HS6ST3: variants seen among roughly 807,000 people sequenced by gnomAD.
HS6ST3 encodes the protein heparan-sulfate 6-O-sulfotransferase 3.
Under a neutral mutation model 36.7 loss-of-function variants are expected in HS6ST3, and 12 were observed. That is an observed-to-expected ratio of 0.33 (90% CI 0.21 to 0.53). The LOEUF (loss-of-function observed/expected upper bound fraction) is 0.53. Ranked by LOEUF, HS6ST3 falls within the 20% of genes least tolerant of loss-of-function variation. The probability of loss-of-function intolerance (pLI) is 0.95; values close to 1 mark genes in which losing one functional copy is unlikely to be tolerated. For missense variants in HS6ST3, 584 were observed against 640.9 expected, an observed-to-expected ratio of 0.91 and a Z score of 0.96; for synonymous variants, 240 against 257.5, an observed-to-expected ratio of 0.93 and a Z score of 0.65.
chr13:96,496,219 T>G (rs1446581514), intron 1 of HS6ST3, among the ~76,000 whole-genome samples: 1 of 152,194 alleles, frequency 6.6e-6, no homozygotes, highest in Non-Finnish European at 1.5e-5. Flanking sequence ...TGATATTCAT[T>G]TTATTATTGA....
Position 96,091,165 on chromosome 13 carries a change from G to T in HS6ST3, c.303G>T (p.Gly101=). 6.5e-7 allele frequency: 1 copy of T among 1,545,614 alleles called. No homozygotes were observed. Among genetic ancestry groups the T allele is most frequent in the Non-Finnish European group, 8.7e-7 (1 of 1,144,472 alleles). Residue 101 remains glycine, a synonymous_variant, in exon 1 of 2, where the codon GGG becomes GGT. Transcript: ENST00000376705. The part of the protein sequence containing the change: ...EDEEPGDPRE[G]EEEEEEDEPD... ...AGGAGCCCGGAGACCCCCGGGAGGG[G>T]GAGGAAGAGGAGGAGGAAGACGAGC...
At chr13:96,791,207 C>A (rs7999955) in intron 1 of HS6ST3, among the ~76,000 whole-genome samples, 4,104 of 152,074 alleles carry the variant, frequency 0.027, 194 homozygotes, top group African/African-American at 0.094. Flanking sequence ...TCTTGACGAA[C>A]CTCTATTACA....
chr13:96,541,854 A>G (rs1241565025), intron 1 of HS6ST3, among the ~76,000 whole-genome samples: 1 of 152,244 alleles, frequency 6.6e-6, no homozygotes, highest in Non-Finnish European at 1.5e-5. Context: ...TTTTCCTGGT[A>G]GACTACAACT....
In HS6ST3 at chr13:96,838,819, T is replaced by A. The variant is rs1879000162; in HGVS notation, c.*5621T>A. 6.6e-6 allele frequency: 1 copy of A among 152,248 alleles called. No homozygotes were observed. The highest frequency in any genetic ancestry group is 2.4e-5 in the African/African-American group (1 of 41,458). 9.4% of individuals were successfully genotyped at this position (152,248 alleles called of 1,614,324 possible). A position where few individuals can be genotyped will look rare whatever the true frequency, so the allele number is the denominator to read the frequency against. ...TTCACAGCATGTGAAAGAACCAACC[T>A]GCCTGGCAGAGGTGCAGAAATTTCC... On this transcript the variant is annotated 3_prime_UTR_variant, in exon 2 of 2. Transcript: ENST00000376705.
At chr13:96,596,535 C>A (rs1009845398) in intron 1 of HS6ST3, among the ~76,000 whole-genome samples, 3 of 152,114 alleles carry the variant, frequency 2.0e-5, no homozygotes, top group Admixed American at 2.0e-4. Context: ...GAGAAATCTT[C>A]ATACCGGTTT....
intron 1 of HS6ST3, among the ~76,000 whole-genome samples, chr13:96,745,012 T>A (rs2138487750): frequency 1.3e-5 from 2 of 152,204 alleles, no homozygotes; most frequent in Middle Eastern, 3.4e-3. Flanking sequence ...AGCAATTCCA[T>A]GTTGAACAAC....
At chr13:96,662,836 C>G (rs1411043606) in intron 1 of HS6ST3, among the ~76,000 whole-genome samples, 1 of 152,062 alleles carries the variant, frequency 6.6e-6, no homozygotes, top group Non-Finnish European at 1.5e-5. Flanking sequence ...AGGGTCTTTG[C>G]TCTTCTGTCA....
At chr13:96,479,028 G>T (rs989938911) in intron 1 of HS6ST3, among the ~76,000 whole-genome samples, 1 of 152,122 alleles carries the variant, frequency 6.6e-6, no homozygotes, top group Non-Finnish European at 1.5e-5. Context: ...CCCTCATGCT[G>T]GGCCCTAAGA....
intron 1 of HS6ST3, among the ~76,000 whole-genome samples, chr13:96,423,151 C>T (rs781416852): frequency 6.6e-6 from 1 of 152,138 alleles, no homozygotes; most frequent in African/African-American, 2.4e-5. Flanking sequence ...AAGCTACAAA[C>T]TCTTTTCTCC....
chr13:96,240,532 C>A (rs138926007), intron 1 of HS6ST3, among the ~76,000 whole-genome samples: 1,630 of 152,106 alleles, frequency 0.011, 19 homozygotes, highest in Non-Finnish European at 0.011. Context: ...TTAAACTAAG[C>A]CTTTTATTTA....
chr13:96,784,041 T>G (rs548115105), intron 1 of HS6ST3, among the ~76,000 whole-genome samples: 1 of 152,222 alleles, frequency 6.6e-6, no homozygotes, highest in East Asian at 1.9e-4. Context: ...CTGTAGCTCT[T>G]TGATTCATCA....
chr13:96,479,331 A>G (rs1340440814), intron 1 of HS6ST3, among the ~76,000 whole-genome samples: 1 of 152,222 alleles, frequency 6.6e-6, no homozygotes, highest in Non-Finnish European at 1.5e-5. Context: ...GGACTGAAGC[A>G]TAGAGAGTGG....
intron 1 of HS6ST3, among the ~76,000 whole-genome samples, chr13:96,749,944 G>C (rs1334940405): frequency 6.6e-6 from 1 of 151,614 alleles, no homozygotes; most frequent in African/African-American, 2.4e-5. Context: ...TAATCCATGG[G>C]CATAAGAATA....
Position 96,287,806 on chromosome 13 carries a change from TG to T in HS6ST3, c.707+196238del, listed in dbSNP as rs890348593. Among the ~76,000 whole-genome samples, 71 of 152,312 alleles carry T rather than the reference TG, an allele frequency of 4.7e-4. 1 individual carries two copies. Among genetic ancestry groups the T allele is most frequent in the African/African-American group, 1.7e-3 (71 of 41,590 alleles). On this transcript the variant is annotated intron_variant, in intron 1 of 1. Transcript: ENST00000376705. ...ATTCTTTAATTCTTTACTTTTTTAA[TG>T]AAAAAAATCATAGCAACTAACATTT...
intron 1 of HS6ST3, among the ~76,000 whole-genome samples, chr13:96,699,171 A>G (rs1875213729): frequency 6.6e-6 from 1 of 152,200 alleles, no homozygotes; most frequent in Non-Finnish European, 1.5e-5. Context: ...AGGCAATACC[A>G]TTCAGGACAT....
At chr13:96,468,788 A>T (rs1887600) in intron 1 of HS6ST3, among the ~76,000 whole-genome samples, 118,379 of 152,066 alleles carry the variant, frequency 0.78, 49,054 homozygotes, top group Non-Finnish European at 0.94. Context: ...CTACTTTGGA[A>T]CTTTTGGCAT....
chr13:96,220,889 T>G (rs2054451706), intron 1 of HS6ST3, among the ~76,000 whole-genome samples: 1 of 152,214 alleles, frequency 6.6e-6, no homozygotes, highest in African/African-American at 2.4e-5. Flanking sequence ...TACAAAATAT[T>G]AATTGCATTA....
At chr13:96,289,537 G>T (rs1358349168) in intron 1 of HS6ST3, among the ~76,000 whole-genome samples, 4 of 152,038 alleles carry the variant, frequency 2.6e-5, no homozygotes, top group East Asian at 1.9e-4. Context: ...AAAATAAATG[G>T]TTACCATTAT....
At chr13:96,760,757 G>C (rs1268046214) in intron 1 of HS6ST3, among the ~76,000 whole-genome samples, 4 of 152,048 alleles carry the variant, frequency 2.6e-5, no homozygotes, top group Admixed American at 2.6e-4. Flanking sequence ...TATTTTATAA[G>C]TTTAAATTCC....
Sources: gnomAD v4.1 joint callset for allele counts (sites outside exome capture counted in the v4.1 genomes callset) on GRCh38, gnomAD v4.1.1 for gene constraint, MANE v1.5 for transcripts, NCBI Gene and HGNC (gene_info 2026-07-23, HGNC 2026-07-21) for gene names.